The following ACOT1 variants were observed in gnomAD, a reference collection of about 807,000 sequenced individuals.
ACOT1 encodes acyl-coenzyme A thioesterase 1.
A neutral mutation model predicts 15.7 loss-of-function variants in ACOT1; 8 were observed. The observed-to-expected ratio is 0.51, with a 90% confidence interval of 0.30 to 0.92. The LOEUF is 0.92. Among genes scored for constraint, ACOT1 ranks in the 40% least tolerant of loss-of-function variants. The pLI, the probability that ACOT1 is intolerant of heterozygous loss-of-function variation, is 0.06. For synonymous variants in ACOT1, 67 were observed against 241.2 expected (o/e 0.28, Z 6.69); for missense variants, 151 against 539.4 (o/e 0.28, Z 7.13).
chr14:73,496,218 TAAG>T, the ACOT1 span, among the ~76,000 whole-genome samples: 1 of 152,064 alleles, frequency 6.6e-6, no homozygotes, highest in African/African-American at 2.4e-5. Flanking sequence ...TCAGAAAAAT[TAAG>T]AAGAAAATCT....
chr14:73,528,850 A>C, the ACOT1 span: 85 of 152,318 alleles, frequency 5.6e-4, no homozygotes, highest in African/African-American at 2.0e-3. Context: ...TTCGGGAAGA[A>C]TTTAGGGCTA....
At chr14:73,524,032 T>A in the ACOT1 span, among the ~76,000 whole-genome samples, 1 of 152,072 alleles carries the variant, frequency 6.6e-6, no homozygotes, top group Non-Finnish European at 1.5e-5. Flanking sequence ...GGCTCACGCC[T>A]GTAATCCCAG....
At chr14:73,517,703 G>A in the ACOT1 span, among the ~76,000 whole-genome samples, 1 of 150,124 alleles carries the variant, frequency 6.7e-6, no homozygotes. Context: ...GAGAGAGAGG[G>A]AAGGGGAGGG....
chr14:73,498,969 C>T, the ACOT1 span: 2 of 959,096 alleles, frequency 2.1e-6, no homozygotes, highest in Non-Finnish European at 3.4e-6. Flanking sequence ...ATCATTACCT[C>T]TCCTGCACTT....
chr14:73,496,939 G>A, the ACOT1 span, among the ~76,000 whole-genome samples: 3 of 152,218 alleles, frequency 2.0e-5, no homozygotes, highest in African/African-American at 4.8e-5. Flanking sequence ...TCCCAGAGCT[G>A]GAGTGCAATG....
the ACOT1 span, among the ~76,000 whole-genome samples, chr14:73,516,806 G>GT: frequency 6.6e-6 from 1 of 152,202 alleles, no homozygotes; most frequent in African/African-American, 2.4e-5. Flanking sequence ...AACTGCACAT[G>GT]TGAGGGGTCT....
chr14:73,527,961 CA>C, the ACOT1 span, among the ~76,000 whole-genome samples: 18,261 of 53,290 alleles, frequency 0.34, 1,532 homozygotes, highest in East Asian at 0.65. Flanking sequence ...AACTCCATCT[CA>C]AAAAAAAAAA....
At chr14:73,514,019 C>T in the ACOT1 span, 1 of 1,613,526 alleles carries the variant, frequency 6.2e-7, no homozygotes, top group Admixed American at 1.7e-5. Flanking sequence ...CACAGGACCT[C>T]CCTTCACTCA....
intron 2 of ACOT1, among the ~76,000 whole-genome samples, chr14:73,542,263 G>A (rs1889112744): frequency 9.2e-6 from 1 of 109,108 alleles, no homozygotes; most frequent in African/African-American, 3.1e-5. Context: ...CTCCCAGAGT[G>A]CTGGAATTAC....
At chr14:73,494,247 G>T in the ACOT1 span, among the ~76,000 whole-genome samples, 2 of 152,214 alleles carry the variant, frequency 1.3e-5, no homozygotes, top group Admixed American at 1.3e-4. Flanking sequence ...CTTGGAACCA[G>T]AAGACCTGGG....
At chr14:73,491,002 C>T in the ACOT1 span, 6 of 1,385,908 alleles carry the variant, frequency 4.3e-6, no homozygotes, top group East Asian at 2.9e-5. Context: ...GCGGGGAAGA[C>T]TGGTGTGGTC....
chr14:73,498,261 G>A, the ACOT1 span: 52 of 1,613,956 alleles, frequency 3.2e-5, no homozygotes, highest in East Asian at 6.7e-5. Flanking sequence ...GCTTCCAGCC[G>A]TACACCTGGT....
At chr14:73,522,366 C>G in the ACOT1 span, 1 of 1,614,102 alleles carries the variant, frequency 6.2e-7, no homozygotes, top group Non-Finnish European at 8.5e-7. Flanking sequence ...TCTTCTGCCT[C>G]CAGCTGTTTC....
At chr14:73,496,644 C>G in the ACOT1 span, 3 of 1,600,224 alleles carry the variant, frequency 1.9e-6, no homozygotes, top group African/African-American at 4.0e-5. Flanking sequence ...TCCTTCATTT[C>G]CTAAGTTGAG....
At chr14:73,531,503 C>G in the ACOT1 span, among the ~76,000 whole-genome samples, 12 of 105,772 alleles carry the variant, frequency 1.1e-4, 1 homozygote, top group Non-Finnish European at 2.4e-4. Flanking sequence ...TCACTGCAAC[C>G]TCTGCCTCCC....
chr14:73,491,523 G>A, the ACOT1 span: 1 of 1,522,820 alleles, frequency 6.6e-7, no homozygotes, highest in Non-Finnish European at 8.8e-7. Flanking sequence ...ACGGCGTCGG[G>A]GCCGCAGGTG....
chr14:73,509,665 G>A, the ACOT1 span, among the ~76,000 whole-genome samples: 3 of 151,200 alleles, frequency 2.0e-5, no homozygotes, highest in African/African-American at 7.3e-5. Flanking sequence ...AAGCTCACCT[G>A]TGTGCTGGTA....
rs1309330780 is a variant in ACOT1, at chr14:73,541,977, TC to T, written c.660+285del. ...TTCAAGTGATTCTTGTGCCCCAGCC[TC>T]CCAAGTAGCTGGGATTACAGGCACC... On this transcript the variant is annotated intron_variant, in intron 2 of 2. Transcript: ENST00000311148. 6.2e-5 allele frequency among the ~76,000 whole-genome samples: 7 copies of T among 112,304 alleles called. 2 individuals carry two copies. The highest frequency in any genetic ancestry group is 2.1e-4 in the African/African-American group (7 of 33,310). The allele number at this position is 112,304 out of a possible 152,430, so 73.7% of individuals were successfully genotyped here. A position where few individuals can be genotyped will look rare whatever the true frequency, so the allele number is the denominator to read the frequency against.
the ACOT1 span, chr14:73,499,079 G>A: frequency 6.2e-7 from 1 of 1,613,840 alleles, no homozygotes; most frequent in Non-Finnish European, 8.5e-7. Context: ...ACCTCGAATG[G>A]CAAAGGCCTT....
Sources: allele counts gnomAD v4.1 joint callset (sites outside exome capture counted in the v4.1 genomes callset), GRCh38; gene constraint gnomAD v4.1.1; transcripts MANE v1.5; gene names NCBI Gene and HGNC (gene_info 2026-07-23, HGNC 2026-07-21).